CALN1: variants seen among roughly 807,000 people sequenced by gnomAD.
The protein encoded by CALN1 is calcium-binding protein 8.
Under a neutral mutation model 30.6 loss-of-function variants are expected in CALN1, and 17 were observed. That is an observed-to-expected ratio of 0.56 (90% confidence interval 0.38 to 0.83). The LOEUF is 0.83. CALN1 is among the 40% of genes least tolerant of loss of function. CALN1 has a pLI of 0.00. For missense variants in CALN1, 291 were observed against 354.9 expected (o/e 0.82, Z 1.45); for synonymous variants, 156 against 131.4 (o/e 1.19, Z -1.28).
In CALN1 at chr7:71,782,029, G is replaced by A. The variant is rs1173224407; in HGVS notation, c.*5746C>T. The A allele has an allele frequency of 6.6e-6, 1 of 152,200 alleles. No individual in the cohort carries two copies. Among genetic ancestry groups the A allele is most frequent in the African/African-American group, 2.4e-5 (1 of 41,440 alleles). 9.4% of individuals were successfully genotyped at this position (152,200 alleles called of 1,614,324 possible). On this transcript the variant is annotated 3_prime_UTR_variant, in exon 7 of 7. Transcript: ENST00000395275. ...AAATGAATATGAAGGAGAAACCACAGCTGTCAAAATGACCATATGCATTAG... is the reference window on the plus strand; with the variant it reads ...AAATGAATATGAAGGAGAAACCACAACTGTCAAAATGACCATATGCATTAG...
intron 2 of CALN1, among the ~76,000 whole-genome samples, chr7:72,331,547 A>G (rs1265670396): frequency 6.6e-6 from 1 of 152,216 alleles, no homozygotes; most frequent in African/African-American, 2.4e-5. Flanking sequence ...ATTGGGGCTT[A>G]GCCTGGGAGG....
At chr7:72,054,776 C>A (rs1269002941) in intron 4 of CALN1, among the ~76,000 whole-genome samples, 1 of 151,856 alleles carries the variant, frequency 6.6e-6, no homozygotes, top group Non-Finnish European at 1.5e-5. Flanking sequence ...GAAGGAGGGA[C>A]AGTACCCCAA....
intron 1 of CALN1, among the ~76,000 whole-genome samples, chr7:72,435,739 G>A (rs926337928): frequency 9.9e-5 from 15 of 152,196 alleles, no homozygotes; most frequent in African/African-American, 3.4e-4. Context: ...GCACACAGGC[G>A]AAAATCAGTT....
chr7:71,920,681 CATA>C (rs1165547078), intron 5 of CALN1, among the ~76,000 whole-genome samples: 1 of 152,094 alleles, frequency 6.6e-6, no homozygotes, highest in Non-Finnish European at 1.5e-5. Context: ...GTAAAATGGG[CATA>C]ATATGTACTT....
chr7:71,872,707 G>A (rs1021151426), intron 5 of CALN1, among the ~76,000 whole-genome samples: 1 of 151,410 alleles, frequency 6.6e-6, no homozygotes, highest in Non-Finnish European at 1.5e-5. Context: ...TCTGCCTCCC[G>A]GGTTCAAGCG....
chr7:71,811,348 C>T (rs1584271059), intron 5 of CALN1, among the ~76,000 whole-genome samples: 1 of 152,254 alleles, frequency 6.6e-6, no homozygotes, highest in Non-Finnish European at 1.5e-5. Flanking sequence ...GCTGGGATTA[C>T]AGACATGAGC....
chr7:72,404,555 G>C (rs926952232), intron 1 of CALN1, among the ~76,000 whole-genome samples: 1 of 152,126 alleles, frequency 6.6e-6, no homozygotes, highest in Non-Finnish European at 1.5e-5. Context: ...CCATAAGAAC[G>C]TCTACACATT....
chr7:72,136,566 T>C (rs1809528661), intron 3 of CALN1, among the ~76,000 whole-genome samples: 1 of 152,256 alleles, frequency 6.6e-6, no homozygotes, highest in Non-Finnish European at 1.5e-5. Flanking sequence ...GCACTTTTAA[T>C]TTCCTTCAAG....
chr7:72,082,653 C>T (rs1048662538), intron 4 of CALN1, among the ~76,000 whole-genome samples: 4 of 152,254 alleles, frequency 2.6e-5, no homozygotes, highest in South Asian at 2.1e-4. Context: ...TCTCATTGCT[C>T]GCATCACAAG....
intron 3 of CALN1, among the ~76,000 whole-genome samples, chr7:72,194,917 T>G (rs1480324964): frequency 1.3e-5 from 2 of 151,944 alleles, no homozygotes; most frequent in African/African-American, 4.8e-5. Flanking sequence ...TCCTCCACAA[T>G]TCTCCCTCAC....
chr7:72,163,544 T>C (rs1159403375), intron 3 of CALN1, among the ~76,000 whole-genome samples: 1 of 152,054 alleles, frequency 6.6e-6, no homozygotes, highest in Non-Finnish European at 1.5e-5. Context: ...GGAAAATATG[T>C]CCTAATAGGT....
intron 4 of CALN1, among the ~76,000 whole-genome samples, chr7:72,029,553 C>A (rs1198130056): frequency 6.6e-6 from 1 of 152,176 alleles, no homozygotes; most frequent in African/African-American, 2.4e-5. Flanking sequence ...AAACACCAAA[C>A]CATGATTAGA....
At chr7:71,913,246 C>T (rs60299698) in intron 5 of CALN1, among the ~76,000 whole-genome samples, 3,803 of 152,242 alleles carry the variant, frequency 0.025, 139 homozygotes, top group African/African-American at 0.085. Context: ...TCATCAATTT[C>T]CAAATTCTAG....
intron 2 of CALN1, among the ~76,000 whole-genome samples, chr7:72,374,838 C>G (rs1804457698): frequency 6.6e-6 from 1 of 152,126 alleles, no homozygotes; most frequent in Non-Finnish European, 1.5e-5. Context: ...ATATTTTGCT[C>G]AAATGAAAAC....
chr7:72,273,275 C>T (rs895127985), intron 3 of CALN1, among the ~76,000 whole-genome samples: 7 of 151,624 alleles, frequency 4.6e-5, no homozygotes, highest in African/African-American at 9.7e-5. Flanking sequence ...TACAAAAATT[C>T]GCCAGGCGTG....
At chr7:72,468,668 T>C in the CALN1 span, among the ~76,000 whole-genome samples, 1 of 152,170 alleles carries the variant, frequency 6.6e-6, no homozygotes, top group Non-Finnish European at 1.5e-5. Context: ...TTGAAAACAT[T>C]TTCCACTCCC....
chr7:72,375,097 T>C (rs1804479141), intron 2 of CALN1, among the ~76,000 whole-genome samples: 2 of 152,340 alleles, frequency 1.3e-5, no homozygotes, highest in South Asian at 4.1e-4. Context: ...TGTATTAATT[T>C]GTTATTGCTG....
chr7:72,284,391 T>C (rs1054302387), intron 2 of CALN1, among the ~76,000 whole-genome samples: 3 of 152,248 alleles, frequency 2.0e-5, no homozygotes, highest in Admixed American at 6.5e-5. Flanking sequence ...TCAACTTGAC[T>C]GGGCCATGGG....
At chr7:71,886,537 C>T (rs951814135) in intron 5 of CALN1, among the ~76,000 whole-genome samples, 4 of 152,122 alleles carry the variant, frequency 2.6e-5, no homozygotes, top group Admixed American at 6.5e-5. Flanking sequence ...CTTTGGGAGG[C>T]GAAGACAGGC....
Sources: allele counts gnomAD v4.1 joint callset (sites outside exome capture counted in the v4.1 genomes callset), GRCh38; gene constraint gnomAD v4.1.1; transcripts MANE v1.5; gene names NCBI Gene and HGNC (gene_info 2026-07-23, HGNC 2026-07-21).